PDE8A: variants seen among roughly 807,000 people sequenced by gnomAD.
PDE8A encodes the protein phosphodiesterase 8A.
In PDE8A, 59 loss-of-function variants were observed where a neutral mutation model predicts 105.0. That is an observed-to-expected ratio of 0.56 (90% CI 0.46 to 0.70). The LOEUF (loss-of-function observed/expected upper bound fraction) is 0.70, where lower values mean the gene tolerates loss of function less well. Among genes scored for constraint, PDE8A ranks in the 30% least tolerant of loss-of-function variants. The probability of loss-of-function intolerance (pLI) is 0.00; values close to 1 mark genes in which losing one functional copy is unlikely to be tolerated. For missense variants in PDE8A, 1,014 were observed against 1,045.9 expected (o/e 0.97, Z 0.42); for synonymous variants, 355 against 371.9 (o/e 0.95, Z 0.52).
chr15:85,080,371 T>C (rs2081445760), intron 5 of PDE8A, among the ~76,000 whole-genome samples: 1 of 152,190 alleles, frequency 6.6e-6, no homozygotes, highest in Admixed American at 6.5e-5. Context: ...AGAAGTCCCC[T>C]ATGGATCTTT....
At chr15:85,095,861 T>TAC (rs2081739041) in intron 8 of PDE8A, among the ~76,000 whole-genome samples, 2 of 118,352 alleles carry the variant, frequency 1.7e-5, no homozygotes, top group African/African-American at 1.1e-4. Flanking sequence ...AGATCCTGAA[T>TAC]ATATATATAT....
intron 3 of PDE8A, among the ~76,000 whole-genome samples, chr15:85,067,565 A>G (rs2081249287): frequency 6.6e-6 from 1 of 152,204 alleles, no homozygotes; most frequent in Non-Finnish European, 1.5e-5. Flanking sequence ...TGTTCGATGA[A>G]TGGGCTTTAT....
At chr15:85,135,393 C>T (rs183270305) in intron 20 of PDE8A, among the ~76,000 whole-genome samples, 10 of 152,282 alleles carry the variant, frequency 6.6e-5, no homozygotes, top group African/African-American at 1.9e-4. Flanking sequence ...GGCTCTACCC[C>T]CTCCAGCCCT....
intron 9 of PDE8A, chr15:85,099,751 T>TA (rs35472864): frequency 2.4e-5 from 11 of 457,148 alleles, no homozygotes; most frequent in Admixed American, 7.9e-5. Context: ...CAGTTCATTT[T>TA]AAAAAATATG....
chr15:85,097,665 T>G, intron 8 of PDE8A: 3 of 298,330 alleles, frequency 1.0e-5, no homozygotes, highest in Non-Finnish European at 1.2e-5. Context: ...TAAGGGGGAG[T>G]GCCCTTTATT....
chr15:84,988,319 A>G (rs914573843), intron 1 of PDE8A, among the ~76,000 whole-genome samples: 1 of 152,196 alleles, frequency 6.6e-6, no homozygotes, highest in Non-Finnish European at 1.5e-5. Flanking sequence ...TCACAGGACA[A>G]CTGGGTTTTA....
At chr15:85,122,369 T>C (rs1279196488) in intron 18 of PDE8A, among the ~76,000 whole-genome samples, 1 of 152,198 alleles carries the variant, frequency 6.6e-6, no homozygotes, top group Admixed American at 6.5e-5. Flanking sequence ...CTTATTAATA[T>C]GGATTTTTAA....
At chr15:84,992,727 G>A (rs2079905879) in intron 1 of PDE8A, among the ~76,000 whole-genome samples, 2 of 152,170 alleles carry the variant, frequency 1.3e-5, no homozygotes, top group African/African-American at 4.8e-5. Flanking sequence ...GACTTGGTGA[G>A]TGAAAGGGCG....
At chr15:85,035,270 A>G (rs439307) in intron 1 of PDE8A, among the ~76,000 whole-genome samples, 116,831 of 145,396 alleles carry the variant, frequency 0.8, 47,258 homozygotes, top group African/African-American at 0.93. Flanking sequence ...GTGCAATGGC[A>G]CAATCTCAGC....
Position 85,138,096 on chromosome 15 carries a change from G to A in PDE8A, c.*193G>A. Reference sequence around the variant, plus strand: ...ATGCCATTACTGTCAAGTGAGACTTGGCCACTGTAGCCTGGGCCTGCTGCA... The same window carrying A: ...ATGCCATTACTGTCAAGTGAGACTTAGCCACTGTAGCCTGGGCCTGCTGCA... On this transcript the variant is annotated 3_prime_UTR_variant, in exon 22 of 22. Coordinates refer to ENST00000394553, the MANE Select transcript of PDE8A (RefSeq NM_002605.3). 1 of 523,472 alleles carries A rather than the reference G, an allele frequency of 1.9e-6. No individual in the cohort carries two copies. Among genetic ancestry groups the A allele is most frequent in the Non-Finnish European group, 3.4e-6 (1 of 292,942 alleles). 32.4% of individuals were successfully genotyped at this position (523,472 alleles called of 1,614,324 possible).
At chr15:85,133,219 A>C (rs1238286623) in intron 20 of PDE8A, among the ~76,000 whole-genome samples, 1 of 152,152 alleles carries the variant, frequency 6.6e-6, no homozygotes, top group Non-Finnish European at 1.5e-5. Context: ...GGTTATCCTC[A>C]GGGCCTTAGA....
intron 1 of PDE8A, among the ~76,000 whole-genome samples, chr15:85,023,145 C>T (rs1268762326): frequency 6.6e-6 from 1 of 152,174 alleles, no homozygotes; most frequent in East Asian, 1.9e-4. Flanking sequence ...CTAATTGCCT[C>T]ATTTTGCTTT....
chr15:84,989,404 G>A (rs922305149), intron 1 of PDE8A, among the ~76,000 whole-genome samples: 2 of 152,176 alleles, frequency 1.3e-5, no homozygotes, highest in African/African-American at 4.8e-5. Context: ...TCCTATTAGG[G>A]AGTACAGGAG....
Position 85,091,639 on chromosome 15 carries a change from G to A in PDE8A, c.852+458G>A, listed in dbSNP as rs58740848. Among the ~76,000 whole-genome samples the A allele has an allele frequency of 2.8e-3, 419 of 152,234 alleles. 2 individuals carry two copies. Among genetic ancestry groups the A allele is most frequent in the African/African-American group, 9.7e-3 (404 of 41,538 alleles). Reference sequence around the variant, plus strand: ...GTGCTAGATTCTGGTATGGAAAGAAGAGCAAAACAAAAATTCCTGCCTTAG... The same window carrying A: ...GTGCTAGATTCTGGTATGGAAAGAAAAGCAAAACAAAAATTCCTGCCTTAG... On this transcript the variant is annotated intron_variant, in intron 8 of 21. Coordinates refer to ENST00000394553, the MANE Select transcript of PDE8A (RefSeq NM_002605.3).
intron 1 of PDE8A, among the ~76,000 whole-genome samples, chr15:85,058,292 G>A (rs190405733): frequency 1.1e-3 from 174 of 151,914 alleles, no homozygotes; most frequent in Non-Finnish European, 2.0e-3. Context: ...TCGTTATTTT[G>A]CCTAGGCTTG....
At chr15:85,113,252 G>A in intron 12 of PDE8A, 125 bp from the exon 13 acceptor site, 2 of 795,030 alleles carry the variant, frequency 2.5e-6, no homozygotes, top group Non-Finnish European at 4.4e-6. Flanking sequence ...GGATGGGAAG[G>A]AAGCTCAGCA....
At chr15:85,068,470 T>G (rs1212378960) in intron 3 of PDE8A, among the ~76,000 whole-genome samples, 2 of 152,194 alleles carry the variant, frequency 1.3e-5, no homozygotes, top group Non-Finnish European at 2.9e-5. Context: ...GTTTGGCTCT[T>G]CCTGGATAGC....
intron 1 of PDE8A, among the ~76,000 whole-genome samples, chr15:85,003,092 G>A (rs563934305): frequency 1.3e-5 from 2 of 152,012 alleles, no homozygotes; most frequent in South Asian, 4.2e-4. Flanking sequence ...GACTGTAAGT[G>A]ACATAATGCA....
intron 1 of PDE8A, among the ~76,000 whole-genome samples, chr15:84,985,121 C>T (rs939564326): frequency 6.6e-6 from 1 of 152,136 alleles, no homozygotes; most frequent in Non-Finnish European, 1.5e-5. Flanking sequence ...TTGTGGAGCC[C>T]TTTTCTTGAG....
Sources: allele counts gnomAD v4.1 joint callset (sites outside exome capture counted in the v4.1 genomes callset), GRCh38; gene constraint gnomAD v4.1.1; transcripts MANE v1.5; gene names NCBI Gene and HGNC (gene_info 2026-07-23, HGNC 2026-07-21).